CKAP5: variants seen among roughly 807,000 people sequenced by gnomAD.
The protein encoded by CKAP5 is cytoskeleton-associated protein 5.
CKAP5 carries 27 observed loss-of-function variants against 232.8 expected under a neutral mutation model. The observed-to-expected ratio is 0.12, with a 90% CI of 0.09 to 0.16. The LOEUF (loss-of-function observed/expected upper bound fraction) is 0.16. Among genes scored for constraint, CKAP5 ranks in the 10% least tolerant of loss-of-function variants. The probability of loss-of-function intolerance (pLI) is 1.00; values close to 1 mark genes in which losing one functional copy is unlikely to be tolerated. For missense variants in CKAP5, 1,838 were observed against 2,424.7 expected (o/e 0.76, Z 5.08); for synonymous variants, 785 against 841.1 (o/e 0.93, Z 1.16).
chr11:46,838,620 A>T (rs1362191909), intron 1 of CKAP5, among the ~76,000 whole-genome samples: 1 of 1,430 alleles, frequency 7.0e-4, no homozygotes, highest in African/African-American at 2.0e-3. Flanking sequence ...GCCTCTTCAA[A>T]AAAAAAAAAA....
chr11:46,780,187 A>T lies in CKAP5; in HGVS notation c.2433+7T>A. On this transcript the variant is annotated splice_region_variant and intron_variant, in intron 20 of 43. Transcript: ENST00000529230. ...CTAACAGATTGTATCATTTGTGGAA[A>T]TTCTACCTTCTCAAATTCTGCATCT... 6.2e-7 allele frequency: 1 copy of T among 1,613,956 alleles called. No individual in the cohort carries two copies. Among genetic ancestry groups the T allele is most frequent in the Non-Finnish European group, 8.5e-7 (1 of 1,179,928 alleles).
In CKAP5 at chr11:46,789,887, T is replaced by TACTG. The variant is rs554072786; in HGVS notation, c.1875+185_1875+188dup. Reference sequence around the variant, plus strand: ...TCATGAGCTTATAAAGGCCATAGAATACTGATGTTTAAAGATAGCAAACAC... The same window carrying TACTG: ...TCATGAGCTTATAAAGGCCATAGAATACTGACTGATGTTTAAAGATAGCAAACAC... On this transcript the variant is annotated intron_variant, in intron 15 of 43. Coordinates refer to ENST00000529230, the MANE Select transcript of CKAP5 (RefSeq NM_001008938.4). Among the ~76,000 whole-genome samples the TACTG allele has an allele frequency of 2.8e-3, 421 of 152,338 alleles. 2 individuals are homozygous for TACTG. Among genetic ancestry groups the TACTG allele is most frequent in the African/African-American group, 9.6e-3 (399 of 41,570 alleles).
intron 29 of CKAP5, 67 bp downstream of exon 29, chr11:46,763,413 AT>A: frequency 1.4e-6 from 2 of 1,419,172 alleles, no homozygotes; most frequent in Non-Finnish European, 1.9e-6. Context: ...CAAACTTCAG[AT>A]TATTTCATAG....
intron 1 of CKAP5, among the ~76,000 whole-genome samples, chr11:46,833,252 C>T (rs939851857): frequency 1.3e-5 from 2 of 151,872 alleles, no homozygotes; most frequent in Non-Finnish European, 2.9e-5. Context: ...GTAGGGACAA[C>T]AGAGAATGTT....
rs111240425 is a variant in CKAP5 at position 46,776,357 on chromosome 11, C to T, written c.2889G>A (p.Ala963=). 2.3e-5 allele frequency: 37 copies of T among 1,612,618 alleles called. No individual in the cohort carries two copies. The highest frequency in any genetic ancestry group is 1.6e-4 in the South Asian group (15 of 90,920). ...SKNNVRAAAL[A]TVNAWAEQTG... is the part of the protein sequence containing the mutation. ...TCTGTTCTGCCCAAGCATTCACAGT[C>T]GCTAGGGCAGCAGCTCGAACATTGT... Residue 963 remains alanine (A), a synonymous_variant, in exon 24 of 44, where the codon GCG becomes GCA. Coordinates refer to ENST00000529230, the MANE Select transcript of CKAP5 (RefSeq NM_001008938.4).
At chr11:46,769,554 G>C (rs2065230945) in intron 26 of CKAP5, among the ~76,000 whole-genome samples, 1 of 152,074 alleles carries the variant, frequency 6.6e-6, no homozygotes, top group Non-Finnish European at 1.5e-5. Flanking sequence ...AATTTAGCCA[G>C]GTGTGATGGC....
At chr11:46,845,327 G>T (rs1041904369) in intron 1 of CKAP5, among the ~76,000 whole-genome samples, 3 of 152,040 alleles carry the variant, frequency 2.0e-5, no homozygotes, top group Non-Finnish European at 4.4e-5. Flanking sequence ...ATAAATTTGG[G>T]GCAAGTTCTG....
At position 46,762,124 on chromosome 11, in the gene CKAP5, T is replaced by C. The variant is rs1357391131; in HGVS notation, c.4097A>G (p.Lys1366Arg). ...GMNVCQPTPG[K>R]ALKEIAVHIG... ...GTGAACAGCTATTTCCTTTAAGGCTTTTCCTGGGGTTGGTTGGCAAACATT... is the reference window on the plus strand; with the variant it reads ...GTGAACAGCTATTTCCTTTAAGGCTCTTCCTGGGGTTGGTTGGCAAACATT... The change falls in exon 32 of 44, where the codon AAA becomes AGA. Residue 1366 changes from lysine to arginine, a missense_variant. Physicochemically the swap from Lys to Arg is conservative, Grantham distance 26. Around this residue, in one of 6 missense-constraint regions of CKAP5, gnomAD observed 579 missense variants for 843.2 expected, o/e 0.69. Transcript: ENST00000529230. 3.1e-6 allele frequency: 5 copies of C among 1,614,052 alleles called. No individual in the cohort carries two copies. In the Admixed American group the frequency reaches 6.7e-5, roughly 22 times the overall value.
At chr11:46,802,565 C>G (rs1055678557) in intron 8 of CKAP5, among the ~76,000 whole-genome samples, 3 of 150,390 alleles carry the variant, frequency 2.0e-5, no homozygotes, top group South Asian at 4.2e-4. Context: ...CAGACACACA[C>G]ACACACACAC....
chr11:46,823,708 C>A (rs1939594199), intron 1 of CKAP5, among the ~76,000 whole-genome samples: 1 of 152,154 alleles, frequency 6.6e-6, no homozygotes, highest in Non-Finnish European at 1.5e-5. Flanking sequence ...CCAACCTCCG[C>A]CTCCCGGGTT....
In CKAP5 at chr11:46,821,238, T is replaced by A. The variant is rs1565752735; in HGVS notation, c.-7A>T. The A allele has an allele frequency of 6.2e-7, 1 of 1,609,310 alleles. No homozygotes were observed. Among genetic ancestry groups the A allele is most frequent in the Admixed American group, 1.7e-5 (1 of 59,970 alleles). On this transcript the variant is annotated 5_prime_UTR_variant, in exon 2 of 44. Transcript: ENST00000529230. ...ACTCACTGTCATCTCCCATTGTGCT[T>A]CCAGGTTTTCCTTAGAATTAAGAGT...
At chr11:46,758,483 C>T (rs1008645627) in intron 35 of CKAP5, among the ~76,000 whole-genome samples, 1 of 152,106 alleles carries the variant, frequency 6.6e-6, no homozygotes, top group Non-Finnish European at 1.5e-5. Flanking sequence ...TTGGTCCTTA[C>T]TTGTTAGCTG....
intron 9 of CKAP5, among the ~76,000 whole-genome samples, chr11:46,800,619 T>TTA (rs10640202): frequency 0.15 from 22,584 of 152,118 alleles, 2,553 homozygotes; most frequent in African/African-American, 0.32. Context: ...GGAAACAAAC[T>TTA]TATACAAATA....
At chr11:46,834,679 T>A (rs1418492035) in intron 1 of CKAP5, among the ~76,000 whole-genome samples, 10 of 152,148 alleles carry the variant, frequency 6.6e-5, no homozygotes, top group Non-Finnish European at 1.3e-4. Context: ...TATTAAAAAA[T>A]TATATGCTAT....
Position 46,798,187 on chromosome 11 carries a change from G to C in CKAP5, c.1084-15C>G. The stretch of plus-strand genomic sequence containing the variant: ...GTTGGCACAACCTGTAAAAGTGAAT[G>C]GCTAGCACATTATTCAGCAACAAAG... On this transcript the variant is annotated splice_polypyrimidine_tract_variant and intron_variant, in intron 9 of 43. Transcript: ENST00000529230. 6.5e-7 allele frequency: 1 copy of C among 1,545,702 alleles called. No individual in the cohort carries two copies. Among genetic ancestry groups the C allele is most frequent in the Non-Finnish European group, 8.9e-7 (1 of 1,118,524 alleles).
At chr11:46,776,706 A>C (rs1343474002) in intron 23 of CKAP5, among the ~76,000 whole-genome samples, 2 of 152,220 alleles carry the variant, frequency 1.3e-5, no homozygotes, top group African/African-American at 2.4e-5. Context: ...ATTTACGTCC[A>C]TGTCTGTCTG....
intron 3 of CKAP5, among the ~76,000 whole-genome samples, chr11:46,816,827 T>G (rs1464421870): frequency 1.4e-5 from 2 of 140,758 alleles, no homozygotes; most frequent in South Asian, 2.3e-4. Flanking sequence ...ACAGGGTTGG[T>G]CGGGTATGGT....
rs1469209997 is a variant in CKAP5 at position 46,816,518 on chromosome 11, T to C, written c.252-114A>G. 4.5e-5 allele frequency: 32 copies of C among 714,384 alleles called. 1 individual carries two copies. In the South Asian group the frequency reaches 5.1e-4, roughly 11 times the overall value. 44.3% of individuals were successfully genotyped at this position (714,384 alleles called of 1,614,324 possible). A position where few individuals can be genotyped will look rare whatever the true frequency, so the allele number is the denominator to read the frequency against. On this transcript the variant is annotated intron_variant, in intron 3 of 43. Coordinates refer to ENST00000529230, the MANE Select transcript of CKAP5 (RefSeq NM_001008938.4). ...AAATGCTAGAAATACAGTAAATGAG[T>C]CTTTAATTTTTAAATTTATGTTCAA...
intron 1 of CKAP5, among the ~76,000 whole-genome samples, chr11:46,821,552 G>A (rs1276287705): frequency 6.6e-6 from 1 of 150,500 alleles, no homozygotes; most frequent in Non-Finnish European, 1.5e-5. Context: ...AGCCTCCCGA[G>A]TAGCCGGGAC....
Sources: gnomAD v4.1 joint callset for allele counts (sites outside exome capture counted in the v4.1 genomes callset) on GRCh38, gnomAD v4.1.1 for gene constraint, gnomAD v4.1.1 regional missense constraint, MANE v1.5 for transcripts, NCBI Gene and HGNC (gene_info 2026-07-23, HGNC 2026-07-21) for gene names.